Variants in SF1 observed in about 807,000 individuals in gnomAD.
The protein encoded by SF1 is splicing factor 1, also known as branch point-binding protein.
A neutral mutation model predicts 62.5 loss-of-function variants in SF1; 7 were observed. The ratio of observed to expected loss-of-function variants is 0.11; its 90% confidence interval spans 0.06 to 0.21. The LOEUF (loss-of-function observed/expected upper bound fraction) is 0.21, where lower values mean the gene tolerates loss of function less well. SF1 is among the 10% of genes least tolerant of loss of function. The pLI, the probability that SF1 is intolerant of heterozygous loss-of-function variation, is 1.00. For synonymous variants in SF1, 394 were observed against 323.6 expected, an observed-to-expected ratio of 1.22 and a Z score of -2.33; for missense variants, 578 against 884.0, an observed-to-expected ratio of 0.65 and a Z score of 4.39.
rs751003648 is a variant in SF1 at position 64,765,824 on chromosome 11, C to T, written c.1914G>A (p.Gln638=). 6.5e-7 allele frequency: 1 copy of T among 1,548,780 alleles called. No homozygotes were observed. Among genetic ancestry groups the T allele is most frequent in the South Asian group, 1.2e-5 (1 of 83,978 alleles). Reference sequence around the variant, plus strand: ...ATTTTCTTAAAAAACAAGTCTAGTTCTGTGGTGGAGGCGGTGGGGGAGCTG... The same window carrying T: ...ATTTTCTTAAAAAACAAGTCTAGTTTTGTGGTGGAGGCGGTGGGGGAGCTG... ...MPPAPPPPPP[Q]N is the part of the protein sequence containing the mutation. Residue 638 remains glutamine, a synonymous_variant, in exon 13 of 13, where the codon CAG becomes CAA. Coordinates refer to ENST00000377390, the MANE Select transcript of SF1 (RefSeq NM_004630.4).
In SF1 at chr11:64,770,425, C is replaced by G. The variant is rs757337739; in HGVS notation, c.237-17G>C. 3.5e-5 allele frequency: 56 copies of G among 1,608,000 alleles called. No individual in the cohort carries two copies. The highest frequency in any genetic ancestry group is 9.4e-6 in the Non-Finnish European group (11 of 1,174,902). On this transcript the variant is annotated splice_polypyrimidine_tract_variant and intron_variant, in intron 3 of 12. Transcript: ENST00000377390. ...GAAGGGGACCTGTGGGAAACAGACT[C>G]CCGTTTACTATTCTGCACCGACTTC...
chr11:64,766,100 C>A lies in SF1; in HGVS notation c.1638G>T (p.Gln546His). 6.2e-7 allele frequency: 1 copy of A among 1,611,036 alleles called. No homozygotes were observed. ...GAGAAGCTGCGGCAGCCGCCTGCTG[C>A]TGTTGCCATGGCGGGATGGACCCTG... ...AGTGSIPPWQ[Q>H]QQAAAAASPG... The change falls in exon 13 of 13, where the codon CAG (glutamine) becomes CAT (histidine). Residue 546 changes from glutamine (Q) to histidine (H), a missense_variant. Coordinates refer to ENST00000377390, the MANE Select transcript of SF1 (RefSeq NM_004630.4).
chr11:64,767,342 C>G (rs545139081), intron 10 of SF1, 91 bp from the exon 11 acceptor site: 6 of 1,321,440 alleles, frequency 4.5e-6, no homozygotes, highest in Non-Finnish European at 6.5e-6. Context: ...TATCCTTACG[C>G]GAGTTCTGAA....
intron 3 of SF1, chr11:64,772,414 A>C: frequency 1.0e-6 from 1 of 985,318 alleles, no homozygotes; most frequent in Non-Finnish European, 1.2e-6. Context: ...AAATGTAGTA[A>C]GTCAAATTAA....
intron 3 of SF1, chr11:64,773,202 C>T: frequency 7.4e-7 from 1 of 1,348,162 alleles, no homozygotes; most frequent in East Asian, 3.2e-5. Flanking sequence ...AACCAGTTGT[C>T]CATTTTCCTG....
chr11:64,775,418 A>C (rs879693818), intron 2 of SF1, among the ~76,000 whole-genome samples: 6 of 152,202 alleles, frequency 3.9e-5, no homozygotes, highest in Non-Finnish European at 8.8e-5. Flanking sequence ...CTAGTCTAAT[A>C]TGAGACACAA....
rs1386395401 is a variant in SF1 at position 64,767,044 on chromosome 11, G to A, written c.1438C>T (p.Pro480Ser). The change falls in exon 12 of 13, where the codon CCG (proline) becomes TCG (serine). Residue 480 changes from proline (P) to serine (S), a missense_variant. Physicochemically the swap from Pro to Ser is moderately conservative, Grantham distance 74 (BLOSUM62 -1). Transcript: ENST00000377390. Reference protein sequence around the residue: ...MPPPPMGMMPPPPPPPSGQPP... With the variant: ...MPPPPMGMMPSPPPPPSGQPP... ...TGCCCACTGGGAGGCGGCGGCGGCGGCGGCATCATGCCCATAGGTGGTGGC... is the reference window on the plus strand; with the variant it reads ...TGCCCACTGGGAGGCGGCGGCGGCGACGGCATCATGCCCATAGGTGGTGGC... The A allele has an allele frequency of 1.3e-6, 2 of 1,558,838 alleles. No homozygotes were observed.
intron 8 of SF1, among the ~76,000 whole-genome samples, 172 bp downstream of exon 8, chr11:64,768,850 G>T (rs1313787347): frequency 2.6e-5 from 4 of 152,160 alleles, no homozygotes; most frequent in Non-Finnish European, 5.9e-5. Context: ...ACAAACAGGG[G>T]TATCTGTACA....
At chr11:64,769,830 C>A in intron 5 of SF1, 134 bp downstream of exon 5, 1 of 777,098 alleles carries the variant, frequency 1.3e-6, no homozygotes, top group Non-Finnish European at 2.1e-6. Flanking sequence ...CACAGAAAGG[C>A]ATTAATTCAG....
intron 2 of SF1, among the ~76,000 whole-genome samples, chr11:64,775,699 G>T (rs1238267808): frequency 6.6e-6 from 1 of 152,158 alleles, no homozygotes; most frequent in Non-Finnish European, 1.5e-5. Flanking sequence ...ACTTTTTTGA[G>T]ACAGCTGCAC....
At chr11:64,776,793 T>C (rs963750739) in intron 1 of SF1, among the ~76,000 whole-genome samples, 167 bp from the exon 2 acceptor site, 1 of 152,116 alleles carries the variant, frequency 6.6e-6, no homozygotes. Context: ...AGATCAGAGA[T>C]TTAAAGCTTA....
Position 64,776,584 on chromosome 11 carries a change from T to G in SF1, c.74A>C (p.Asp25Ala). The part of the protein sequence containing the change: ...KKRKRSRWNQ[D>A]TMEQKTVIPG... ...AATCACTGTCTTCTGTTCCATTGTG[T>G]CTTGGTTCCAGCGGCTCCTCTTCCG... Residue 25 changes from aspartate to alanine, a missense_variant, in exon 2 of 13, where the codon GAC becomes GCC. By Grantham distance (126) the Asp-to-Ala change is moderately radical. Around this residue, in one of 7 missense-constraint regions of SF1, gnomAD observed 37 missense variants for 34.6 expected, o/e 1.07. Coordinates refer to ENST00000377390, the MANE Select transcript of SF1 (RefSeq NM_004630.4). 1 of 1,592,434 alleles carries G rather than the reference T, an allele frequency of 6.3e-7. No homozygotes were observed. Among genetic ancestry groups the G allele is most frequent in the Non-Finnish European group, 8.5e-7 (1 of 1,172,684 alleles).
chr11:64,769,341 A>G lies in SF1; in HGVS notation c.664-3T>C, dbSNP rs758362181. On this transcript the variant is annotated splice_polypyrimidine_tract_variant and splice_region_variant and intron_variant, in intron 6 of 12. Transcript: ENST00000377390. ...CCCTGCTTCAGGATGTTTCTTATCT[A>G]GTGAAAATGCAATGGACAGTTAAGT... 3 of 1,613,926 alleles carry G rather than the reference A, an allele frequency of 1.9e-6. No individual in the cohort carries two copies. In the African/African-American group the frequency reaches 4.0e-5, roughly 22 times the overall value.
At chr11:64,776,924 TTAGA>T (rs1350328879) in intron 1 of SF1, among the ~76,000 whole-genome samples, 3 of 152,164 alleles carry the variant, frequency 2.0e-5, no homozygotes, top group African/African-American at 7.2e-5. Context: ...GCAGAGAGTG[TTAGA>T]TAGATACTAC....
intron 2 of SF1, among the ~76,000 whole-genome samples, chr11:64,774,187 A>G (rs1427013326): frequency 6.6e-6 from 1 of 152,206 alleles, no homozygotes; most frequent in African/African-American, 2.4e-5. Flanking sequence ...CAAACCACAT[A>G]TCTTAATAAA....
At chr11:64,775,149 C>T (rs1378824245) in intron 2 of SF1, among the ~76,000 whole-genome samples, 1 of 152,066 alleles carries the variant, frequency 6.6e-6, no homozygotes, top group Non-Finnish European at 1.5e-5. Flanking sequence ...GAAGGTGAGT[C>T]TTCCTAGCTG....
chr11:64,771,668 G>A, intron 3 of SF1: 1 of 985,362 alleles, frequency 1.0e-6, no homozygotes, highest in Non-Finnish European at 1.2e-6. Flanking sequence ...AATCCATTAA[G>A]AGTGAACAAA....
chr11:64,773,914 T>C (rs1371844535), intron 2 of SF1, among the ~76,000 whole-genome samples: 1 of 152,094 alleles, frequency 6.6e-6, no homozygotes, highest in African/African-American at 2.4e-5. Flanking sequence ...GGGCAAGAAT[T>C]GAGTTTTTTC....
intron 5 of SF1, 137 bp from the exon 6 acceptor site, chr11:64,769,746 C>T: frequency 1.2e-6 from 1 of 829,396 alleles, no homozygotes; most frequent in Non-Finnish European, 1.8e-6. Context: ...TCCATGAACT[C>T]TATATTATGG....
Sources: allele counts gnomAD v4.1 joint callset (sites outside exome capture counted in the v4.1 genomes callset), GRCh38; gene constraint gnomAD v4.1.1; regional missense constraint gnomAD v4.1.1; transcripts MANE v1.5; gene names NCBI Gene and HGNC (gene_info 2026-07-23, HGNC 2026-07-21).